The following KLHL12 variants were observed in gnomAD, a reference collection of about 807,000 sequenced individuals.
KLHL12 encodes kelch-like protein 12.
A neutral mutation model predicts 60.8 loss-of-function variants in KLHL12; 17 were observed. The ratio of observed to expected loss-of-function variants is 0.28; its 90% CI spans 0.19 to 0.42. KLHL12 has a LOEUF of 0.42. Ranked by LOEUF, KLHL12 falls within the 10% of genes least tolerant of loss-of-function variation. KLHL12 has a pLI of 1.00. For synonymous variants in KLHL12, 220 were observed against 250.9 expected (o/e 0.88, Z 1.16); for missense variants, 468 against 722.3 (o/e 0.65, Z 4.04).
intron 5 of KLHL12, 39 bp downstream of exon 5, chr1:202,911,015 C>T: frequency 1.2e-6 from 2 of 1,606,186 alleles, no homozygotes; most frequent in Non-Finnish European, 8.5e-7. Context: ...GGTAAGAGTC[C>T]GTCAAGGTTT....
Position 202,923,074 on chromosome 1 carries a change from C to A in KLHL12, c.195+1894G>T, listed in dbSNP as rs12037706. Among the ~76,000 whole-genome samples, 263 of 152,306 alleles carry A rather than the reference C, an allele frequency of 1.7e-3. 4 individuals carry two copies. The East Asian group carries it at 0.039, about 23-fold the overall frequency. On this transcript the variant is annotated intron_variant, in intron 2 of 11. Transcript: ENST00000367261. ...AGAGAACTAAGCCTAGAATCCAGGT[C>A]TCTGGACTCTCTCCTTTGAACAATT...
intron 5 of KLHL12, among the ~76,000 whole-genome samples, chr1:202,910,681 T>C (rs1282618835): frequency 6.6e-6 from 1 of 152,198 alleles, no homozygotes; most frequent in Non-Finnish European, 1.5e-5. Flanking sequence ...TCATGCTGGC[T>C]TTACCAGAAG....
chr1:202,924,981 A>G lies in KLHL12; in HGVS notation c.182T>C (p.Met61Thr), dbSNP rs761439071. The change falls in exon 2 of 12, where the codon ATG (methionine) becomes ACG (threonine). Residue 61 changes from methionine to threonine, a missense_variant. By Grantham distance (81) the Met-to-Thr change is moderately conservative. Around this residue, in one of 4 missense-constraint regions of KLHL12, gnomAD observed 339 missense variants for 525.0 expected, o/e 0.65. Transcript: ENST00000367261. ...LAACSDYFCA[M>T]FTSELSEKGK... ...TTTACCACTTACCTCACTAGTGAACATGGCACAGAAGTAATCACTACAGGC... is the reference window on the plus strand; with the variant it reads ...TTTACCACTTACCTCACTAGTGAACGTGGCACAGAAGTAATCACTACAGGC... 1 of 1,614,014 alleles carries G rather than the reference A, an allele frequency of 6.2e-7. No individual in the cohort carries two copies. Among genetic ancestry groups the G allele is most frequent in the Admixed American group, 1.7e-5 (1 of 59,980 alleles).
At chr1:202,908,405 T>C (rs979522363) in intron 6 of KLHL12, among the ~76,000 whole-genome samples, 5 of 152,222 alleles carry the variant, frequency 3.3e-5, no homozygotes, top group Admixed American at 2.6e-4. Context: ...TTTACATAAA[T>C]AACTTTATTT....
chr1:202,894,650 A>G lies in KLHL12; in HGVS notation c.1235T>C (p.Met412Thr), dbSNP rs369665720. 21 of 1,614,028 alleles carry G rather than the reference A, an allele frequency of 1.3e-5. No homozygotes were observed. Among genetic ancestry groups the G allele is most frequent in the African/African-American group, 4.0e-5 (3 of 74,900 alleles). ...TCCGGCACCTTCCCGGGCTGTCTGC[A>G]TATCTCCCAGCATGCTCCACTGGTC... ...NIDQWSMLGD[M>T]QTAREGAGLV... The change falls in exon 9 of 12, where the codon ATG (methionine) becomes ACG (threonine). Residue 412 changes from methionine (M) to threonine (T), a missense_variant. Physicochemically the swap from Met to Thr is moderately conservative, Grantham distance 81. Around this residue, in one of 4 missense-constraint regions of KLHL12, gnomAD observed 339 missense variants for 525.0 expected, o/e 0.65. Transcript: ENST00000367261.
At chr1:202,911,846 A>C (rs990501119) in intron 4 of KLHL12, 1 of 810,648 alleles carries the variant, frequency 1.2e-6, no homozygotes, top group Non-Finnish European at 2.2e-6. Flanking sequence ...GAGCCCAAAC[A>C]GCTGAGGAAG....
intron 2 of KLHL12, among the ~76,000 whole-genome samples, chr1:202,921,354 T>G (rs1660692932): frequency 6.6e-6 from 1 of 151,998 alleles, no homozygotes; most frequent in South Asian, 2.1e-4. Context: ...TTTGTGTTTT[T>G]AGTAGAGATG....
At chr1:202,908,742 CATATT>C (rs891905697) in intron 6 of KLHL12, among the ~76,000 whole-genome samples, 14 of 152,144 alleles carry the variant, frequency 9.2e-5, no homozygotes, top group African/African-American at 1.9e-4. Context: ...AAAATTGTAA[CATATT>C]ATGTAATGCC....
Position 202,895,614 on chromosome 1 carries a change from C to T in KLHL12, c.1043G>A (p.Cys348Tyr), listed in dbSNP as rs1359462502. Residue 348 changes from cysteine (C) to tyrosine (Y), a missense_variant, in exon 8 of 12, where the codon TGT becomes TAT. Around this residue, in one of 4 missense-constraint regions of KLHL12, gnomAD observed 339 missense variants for 525.0 expected, o/e 0.65. Transcript: ENST00000367261. The surrounding 1 kb of genome is among the most constrained non-coding windows in gnomAD (Gnocchi z 4.2). Reference protein sequence around the residue: ...DGRSRLSSVECLDYTADEDGV... With the variant: ...DGRSRLSSVEYLDYTADEDGV... ...ATCCTCATCTGCTGTGTAGTCTAGACATTCCACTGAACTAAGGCGGGAACG... is the reference window on the plus strand; with the variant it reads ...ATCCTCATCTGCTGTGTAGTCTAGATATTCCACTGAACTAAGGCGGGAACG... 6.2e-7 allele frequency: 1 copy of T among 1,614,008 alleles called. No homozygotes were observed. The highest frequency in any genetic ancestry group is 8.5e-7 in the Non-Finnish European group (1 of 1,180,032).
intron 4 of KLHL12, chr1:202,912,227 T>A: frequency 9.0e-7 from 1 of 1,105,796 alleles, no homozygotes; most frequent in Non-Finnish European, 1.4e-6. Context: ...AAATCATGAC[T>A]GACTGAGGCA....
Position 202,893,124 on chromosome 1 carries a change from C to A in KLHL12, c.1580+115G>T. 2 of 735,826 alleles carry A rather than the reference C, an allele frequency of 2.7e-6. No homozygotes were observed. Among genetic ancestry groups the A allele is most frequent in the South Asian group, 2.2e-5 (1 of 45,566 alleles). The allele number at this position is 735,826 out of a possible 1,614,324, so 45.6% of individuals were successfully genotyped here. On this transcript the variant is annotated intron_variant, in intron 11 of 11. Coordinates refer to ENST00000367261, the MANE Select transcript of KLHL12 (RefSeq NM_021633.4). This position sits in a 1 kb window ranked among gnomAD's most constrained non-coding sequence, Gnocchi z 4.1. ...AATCTAATAAAAAAAATCAAGTTGC[C>A]ACTGGAGATGTCTACCCCTACCCAA...
At chr1:202,921,177 A>T (rs969871240) in intron 2 of KLHL12, among the ~76,000 whole-genome samples, 7 of 135,156 alleles carry the variant, frequency 5.2e-5, no homozygotes, top group African/African-American at 1.9e-4. Flanking sequence ...CAACCAGCTA[A>T]TTTTTTTTTT....
chr1:202,915,401 T>A (rs1333660627), intron 4 of KLHL12, among the ~76,000 whole-genome samples: 1 of 152,112 alleles, frequency 6.6e-6, no homozygotes, highest in Non-Finnish European at 1.5e-5. Context: ...CTGGCTGGTA[T>A]AGGGAACAGA....
chr1:202,910,769 G>C (rs190121321), intron 5 of KLHL12, among the ~76,000 whole-genome samples: 9 of 152,082 alleles, frequency 5.9e-5, no homozygotes, highest in Admixed American at 3.3e-4. Flanking sequence ...AGGGGACAAA[G>C]TTTATTATCA....
chr1:202,913,217 T>G (rs1660418024), intron 4 of KLHL12, among the ~76,000 whole-genome samples: 1 of 152,028 alleles, frequency 6.6e-6, no homozygotes, highest in South Asian at 2.1e-4. Flanking sequence ...TGAGATACAC[T>G]CTAAAAAAAC....
intron 4 of KLHL12, chr1:202,911,900 G>A: frequency 1.2e-6 from 1 of 837,288 alleles, no homozygotes; most frequent in South Asian, 1.3e-5. Flanking sequence ...AATGAAGAAA[G>A]CCTGAGGAGC....
chr1:202,892,239 G>T lies in KLHL12; in HGVS notation c.*294C>A. On this transcript the variant is annotated 3_prime_UTR_variant, in exon 12 of 12. Coordinates refer to ENST00000367261, the MANE Select transcript of KLHL12 (RefSeq NM_021633.4). ...ATACATATAGTACACCAAGCATGTG[G>T]TAAGTTAGAAATGACAGGAAAGTGC... 1 of 346,512 alleles carries T rather than the reference G, an allele frequency of 2.9e-6. No homozygotes were observed. The highest frequency in any genetic ancestry group is 5.4e-6 in the Non-Finnish European group (1 of 184,930). The allele number at this position is 346,512 out of a possible 1,614,324, so 21.5% of individuals were successfully genotyped here.
At position 202,893,138 on chromosome 1, in the gene KLHL12, A is replaced by G. The variant is rs1336226782; in HGVS notation, c.1580+101T>C. On this transcript the variant is annotated intron_variant, in intron 11 of 11. Coordinates refer to ENST00000367261, the MANE Select transcript of KLHL12 (RefSeq NM_021633.4). This position sits in a 1 kb window ranked among gnomAD's most constrained non-coding sequence, Gnocchi z 4.1. ...AATCAAGTTGCCACTGGAGATGTCT[A>G]CCCCTACCCAAGTCTTGTCTCTGTC... The G allele has an allele frequency of 1.1e-6, 1 of 905,658 alleles. No homozygotes were observed. The highest frequency in any genetic ancestry group is 1.7e-6 in the Non-Finnish European group (1 of 598,082). 56.1% of individuals were successfully genotyped at this position (905,658 alleles called of 1,614,324 possible).
At chr1:202,911,923 TG>T in intron 4 of KLHL12, 1 of 820,030 alleles carries the variant, frequency 1.2e-6, no homozygotes, top group Non-Finnish European at 2.2e-6. Context: ...TTTTGAGCAA[TG>T]GGGAATGCTC....
Sources: gnomAD v4.1 joint callset for allele counts (sites outside exome capture counted in the v4.1 genomes callset) on GRCh38, gnomAD v4.1.1 for gene constraint, gnomAD v4.1.1 regional missense constraint, Gnocchi (gnomAD v3.1) non-coding constraint, MANE v1.5 for transcripts, NCBI Gene and HGNC (gene_info 2026-07-23, HGNC 2026-07-21) for gene names.